Variants in AK8 observed in about 807,000 individuals in gnomAD.
AK8 encodes ATP-AMP transphosphorylase 8.
In AK8, 44 loss-of-function variants were observed where a neutral mutation model predicts 54.6. The ratio of observed to expected loss-of-function variants is 0.81; its 90% confidence interval spans 0.63 to 1.04. The LOEUF is 1.04. Ranked by LOEUF, AK8 falls within the 50% of genes least tolerant of loss-of-function variation. The probability of loss-of-function intolerance (pLI) is 0.00; values close to 1 mark genes in which losing one functional copy is unlikely to be tolerated. For synonymous variants in AK8, 239 were observed against 245.6 expected, an observed-to-expected ratio of 0.97 and a Z score of 0.25; for missense variants, 555 against 613.6, an observed-to-expected ratio of 0.90 and a Z score of 1.01.
At chr9:132,768,960 C>A (rs1211747329) in intron 11 of AK8, 1 of 152,162 alleles carries the variant, frequency 6.6e-6, no homozygotes, top group Non-Finnish European at 1.5e-5. Flanking sequence ...CACTGCAAGG[C>A]TTCCTTAATT....
At position 132,799,320 on chromosome 9, in the gene AK8, C is replaced by G. The variant is rs1167670179; in HGVS notation, c.980-6545G>C. On this transcript the variant is annotated intron_variant, in intron 10 of 12. Coordinates refer to ENST00000298545, the MANE Select transcript of AK8 (RefSeq NM_152572.3). The surrounding 1 kb of genome is among the most constrained non-coding windows in gnomAD (Gnocchi z 5.0). ...ACAAAAAGTGGAGAGAAGGAAATAG[C>G]TCCTTCAGCCAGTGGCTTAAAGATA... Among the ~76,000 whole-genome samples the G allele has an allele frequency of 6.6e-6, 1 of 152,180 alleles. No homozygotes were observed. The highest frequency in any genetic ancestry group is 1.5e-5 in the Non-Finnish European group (1 of 68,030).
chr9:132,789,437 A>C (rs1839852934), intron 11 of AK8, among the ~76,000 whole-genome samples: 1 of 151,800 alleles, frequency 6.6e-6, no homozygotes, highest in Non-Finnish European at 1.5e-5. Flanking sequence ...TCTCTAATAA[A>C]AATACAAAAA....
At chr9:132,830,578 A>G (rs955440821) in intron 5 of AK8, among the ~76,000 whole-genome samples, 2 of 151,948 alleles carry the variant, frequency 1.3e-5, no homozygotes, top group Admixed American at 1.3e-4. Context: ...CAAAATGTCC[A>G]TTTGTGTCAT....
At chr9:132,839,832 C>G (rs919695931) in intron 5 of AK8, among the ~76,000 whole-genome samples, 108 of 99,664 alleles carry the variant, frequency 1.1e-3, no homozygotes, top group South Asian at 1.9e-3. Flanking sequence ...GGGGGGGGGG[C>G]GCAGGGACGG....
In AK8 at chr9:132,725,684, C is replaced by T. The variant is rs988206339; in HGVS notation, c.*4G>A. 2 of 1,568,366 alleles carry T rather than the reference C, an allele frequency of 1.3e-6. No homozygotes were observed. Among genetic ancestry groups the T allele is most frequent in the East Asian group, 2.3e-5 (1 of 43,600 alleles). ...CTGGGGCAGCGCTCCTGGCTCTGAA[C>T]CCATCAGGGGATTTTCTTGGGCAGG... On this transcript the variant is annotated 3_prime_UTR_variant, in exon 13 of 13. Transcript: ENST00000298545.
At position 132,826,226 on chromosome 9, in the gene AK8, G is replaced by GT. The variant is rs1226645046; in HGVS notation, c.757+627_757+628insA. Among the ~76,000 whole-genome samples, 1 of 152,200 alleles carries GT rather than the reference G, an allele frequency of 6.6e-6. No homozygotes were observed. The highest frequency in any genetic ancestry group is 1.5e-5 in the Non-Finnish European group (1 of 68,042). ...AAACTAGGGCTCCGAGGAGTTAGGA[G>GT]AAGTGCCAGAGGCTGCACAGCTGGG... On this transcript the variant is annotated intron_variant, in intron 8 of 12. Transcript: ENST00000298545. The surrounding 1 kb of genome is among the most constrained non-coding windows in gnomAD (Gnocchi z 4.5).
chr9:132,751,406 C>A lies in AK8; in HGVS notation c.1122-23872G>T, dbSNP rs574028326. Among the ~76,000 whole-genome samples the A allele has an allele frequency of 9.8e-4, 138 of 141,460 alleles. 2 individuals carry two copies. Among genetic ancestry groups the A allele is most frequent in the South Asian group, 2.3e-3 (10 of 4,292 alleles). The allele number at this position is 141,460 out of a possible 152,430, so 92.8% of individuals were successfully genotyped here. On this transcript the variant is annotated intron_variant, in intron 11 of 12. Transcript: ENST00000298545. The stretch of plus-strand genomic sequence containing the variant: ...AAAAAAAAAAAAAAAACAAAAAAAA[C>A]CAACTTCTGGGTTTTGCTAGTTGTC...
intron 9 of AK8, among the ~76,000 whole-genome samples, chr9:132,816,330 G>C (rs549192768): frequency 6.6e-6 from 1 of 151,512 alleles, no homozygotes; most frequent in Non-Finnish European, 1.5e-5. Flanking sequence ...ACTCCAGCCT[G>C]GGTGACAGAG....
At chr9:132,805,188 C>A (rs746195709) in intron 10 of AK8, among the ~76,000 whole-genome samples, 4 of 152,216 alleles carry the variant, frequency 2.6e-5, no homozygotes, top group Non-Finnish European at 4.4e-5. Context: ...GGGCTGCCCA[C>A]GGAGAGGGAA....
chr9:132,818,286 C>A (rs1841420907), intron 9 of AK8, among the ~76,000 whole-genome samples: 1 of 152,168 alleles, frequency 6.6e-6, no homozygotes, highest in Admixed American at 6.5e-5. Flanking sequence ...GTGAAGAGTA[C>A]TGATAGGTGG....
In AK8 at chr9:132,821,796, T is replaced by C. The variant is rs28460153; in HGVS notation, c.889+1409A>G. ...ATATGTGTATGTATATACAAATATA[T>C]ACATATATGTGTATGTATATACAAA... On this transcript the variant is annotated intron_variant, in intron 9 of 12. Coordinates refer to ENST00000298545, the MANE Select transcript of AK8 (RefSeq NM_152572.3). Among the ~76,000 whole-genome samples the C allele has an allele frequency of 9.7e-5, 13 of 134,178 alleles. 1 individual carries two copies. The highest frequency in any genetic ancestry group is 3.0e-4 in the African/African-American group (11 of 37,070). The allele number at this position is 134,178 out of a possible 152,430, so 88.0% of individuals were successfully genotyped here. A position where few individuals can be genotyped will look rare whatever the true frequency, so the allele number is the denominator to read the frequency against.
chr9:132,823,616 C>T (rs1841747989), intron 8 of AK8, among the ~76,000 whole-genome samples: 1 of 152,246 alleles, frequency 6.6e-6, no homozygotes, highest in Non-Finnish European at 1.5e-5. Flanking sequence ...CAGGTGTCTG[C>T]ATTTCCTTCC....
intron 11 of AK8, among the ~76,000 whole-genome samples, chr9:132,765,737 G>A (rs1838700147): frequency 6.6e-6 from 1 of 152,174 alleles, no homozygotes; most frequent in Non-Finnish European, 1.5e-5. Context: ...ACTTTATACT[G>A]AATAGGAAAA....
At chr9:132,774,412 T>C (rs1230468255) in intron 11 of AK8, among the ~76,000 whole-genome samples, 1 of 152,172 alleles carries the variant, frequency 6.6e-6, no homozygotes, top group Non-Finnish European at 1.5e-5. Flanking sequence ...AAATAATTTC[T>C]GTGATATTTA....
At chr9:132,858,540 G>A (rs1417422130) in intron 4 of AK8, among the ~76,000 whole-genome samples, 1 of 152,206 alleles carries the variant, frequency 6.6e-6, no homozygotes, top group Non-Finnish European at 1.5e-5. Context: ...AAGTAGAGCA[G>A]GGAGGGGAAC....
chr9:132,800,535 G>T (rs1840396801), intron 10 of AK8, among the ~76,000 whole-genome samples: 1 of 152,118 alleles, frequency 6.6e-6, no homozygotes, highest in Non-Finnish European at 1.5e-5. Flanking sequence ...ACCCCCATCT[G>T]GCCGGGCCTT....
intron 11 of AK8, among the ~76,000 whole-genome samples, chr9:132,756,117 C>T (rs558239857): frequency 2.0e-5 from 3 of 152,178 alleles, no homozygotes; most frequent in Non-Finnish European, 4.4e-5. Context: ...CTTAGCTTTC[C>T]TCCCATTGCC....
intron 10 of AK8, among the ~76,000 whole-genome samples, chr9:132,804,553 C>T (rs1460831510): frequency 1.3e-5 from 2 of 151,944 alleles, no homozygotes. Flanking sequence ...CTTCCACAGG[C>T]TCTTCCCAGG....
At chr9:132,834,869 CTTTT>C (rs11323499) in intron 5 of AK8, among the ~76,000 whole-genome samples, 3 of 140,770 alleles carry the variant, frequency 2.1e-5, no homozygotes, top group Admixed American at 1.4e-4. Flanking sequence ...CAAGAGGTGC[CTTTT>C]TTTTTTTTTT....
Sources: gnomAD v4.1 joint callset for allele counts (sites outside exome capture counted in the v4.1 genomes callset) on GRCh38, gnomAD v4.1.1 for gene constraint, Gnocchi (gnomAD v3.1) non-coding constraint, MANE v1.5 for transcripts, NCBI Gene and HGNC (gene_info 2026-07-23, HGNC 2026-07-21) for gene names.